The following CREB5 variants were observed in gnomAD, a reference collection of about 807,000 sequenced individuals.
CREB5 encodes the protein cAMP responsive element binding protein 5.
A neutral mutation model predicts 57.1 loss-of-function variants in CREB5; 19 were observed. The ratio of observed to expected loss-of-function variants is 0.33; its 90% CI spans 0.23 to 0.49. The LOEUF is 0.49. Ranked by LOEUF, CREB5 falls within the 20% of genes least tolerant of loss-of-function variation. CREB5 has a pLI of 0.99. For missense variants in CREB5, 579 were observed against 671.6 expected, an observed-to-expected ratio of 0.86 and a Z score of 1.52; for synonymous variants, 238 against 238.3, an observed-to-expected ratio of 1.00 and a Z score of 0.01.
At chr7:28,456,842 C>T (rs1166037575) in intron 1 of CREB5, among the ~76,000 whole-genome samples, 1 of 152,238 alleles carries the variant, frequency 6.6e-6, no homozygotes, top group East Asian at 1.9e-4. Context: ...TGTTTGGCAA[C>T]AGCCAGAACA....
chr7:28,693,490 C>T (rs529405894), intron 5 of CREB5, among the ~76,000 whole-genome samples: 94 of 152,182 alleles, frequency 6.2e-4, no homozygotes, highest in African/African-American at 2.2e-3. Context: ...GGCTCTGCCC[C>T]TCTGCCCTCA....
chr7:28,385,192 G>C (rs1787062526), intron 1 of CREB5, among the ~76,000 whole-genome samples: 1 of 152,256 alleles, frequency 6.6e-6, no homozygotes, highest in East Asian at 1.9e-4. Context: ...CCAGTTGAAA[G>C]ATAAAGAGTA....
intron 5 of CREB5, among the ~76,000 whole-genome samples, chr7:28,716,406 A>G (rs1487362562): frequency 2.0e-5 from 3 of 152,194 alleles, no homozygotes; most frequent in African/African-American, 7.2e-5. Flanking sequence ...AACTGTCTAT[A>G]CTTAAAACAT....
rs1554344356 is a variant in CREB5, at chr7:28,560,875, C to CGTGCGTGCGTGCGT, written c.292-9486_292-9473dup. ...GTGTGTGTGCGTGTGCCTGCGTGCG[C>CGTGCGTGCGTGCGT]GTGCGTGCGTGCGTGTGTGTGCGTG... On this transcript the variant is annotated intron_variant, in intron 4 of 10. Coordinates refer to ENST00000357727, the MANE Select transcript of CREB5 (RefSeq NM_182898.4). Among the ~76,000 whole-genome samples the CGTGCGTGCGTGCGT allele has an allele frequency of 1.4e-3, 26 of 19,218 alleles. 5 individuals are homozygous for CGTGCGTGCGTGCGT. Among genetic ancestry groups the CGTGCGTGCGTGCGT allele is most frequent in the African/African-American group, 4.3e-3 (24 of 5,538 alleles). 12.6% of individuals were successfully genotyped at this position (19,218 alleles called of 152,430 possible). A position where few individuals can be genotyped will look rare whatever the true frequency, so the allele number is the denominator to read the frequency against.
At chr7:28,671,819 A>G (rs1800052081) in intron 5 of CREB5, among the ~76,000 whole-genome samples, 1 of 152,212 alleles carries the variant, frequency 6.6e-6, no homozygotes, top group Non-Finnish European at 1.5e-5. Flanking sequence ...ACTGTAAAAG[A>G]AAGATAAAAA....
chr7:28,656,847 G>C (rs1799350861), intron 5 of CREB5, among the ~76,000 whole-genome samples: 1 of 143,636 alleles, frequency 7.0e-6, no homozygotes, highest in Non-Finnish European at 1.5e-5. Flanking sequence ...TTACATCTAA[G>C]AAGATTTTTT....
At chr7:28,790,970 C>T (rs1475445619) in intron 7 of CREB5, among the ~76,000 whole-genome samples, 1 of 152,146 alleles carries the variant, frequency 6.6e-6, no homozygotes, top group Non-Finnish European at 1.5e-5. Context: ...GAAAACCTTA[C>T]AGAAGTGGGA....
chr7:28,496,370 A>G (rs983848655), intron 3 of CREB5, among the ~76,000 whole-genome samples: 28 of 152,194 alleles, frequency 1.8e-4, no homozygotes, highest in Non-Finnish European at 1.5e-5. Flanking sequence ...TTATTATTAC[A>G]ATATTTTAAA....
At chr7:28,653,384 T>A (rs1799217135) in intron 5 of CREB5, among the ~76,000 whole-genome samples, 1 of 152,166 alleles carries the variant, frequency 6.6e-6, no homozygotes, top group Non-Finnish European at 1.5e-5. Context: ...CCTTTCAGAT[T>A]TCCAGCATGA....
chr7:28,731,766 G>A (rs546091819), intron 7 of CREB5, among the ~76,000 whole-genome samples: 5 of 152,192 alleles, frequency 3.3e-5, no homozygotes, highest in Non-Finnish European at 7.3e-5. Flanking sequence ...GTACACAGGG[G>A]TGAAAGAGGC....
chr7:28,703,717 T>C (rs1801974099), intron 5 of CREB5, among the ~76,000 whole-genome samples: 1 of 152,176 alleles, frequency 6.6e-6, no homozygotes, highest in East Asian at 1.9e-4. Context: ...ACCTTTTTCT[T>C]CTATTCAGGT....
intron 5 of CREB5, among the ~76,000 whole-genome samples, chr7:28,592,857 G>A (rs759330564): frequency 8.5e-5 from 13 of 152,152 alleles, no homozygotes; most frequent in African/African-American, 1.2e-4. Flanking sequence ...CTGTGTCTCC[G>A]TTTTCTTATT....
chr7:28,550,925 C>T lies in CREB5; in HGVS notation c.292-19440C>T, dbSNP rs532843125. 7.2e-5 allele frequency among the ~76,000 whole-genome samples: 11 copies of T among 152,254 alleles called. No homozygotes were observed. In the South Asian group the frequency reaches 1.4e-3, roughly 20 times the overall value. On this transcript the variant is annotated intron_variant, in intron 4 of 10. Transcript: ENST00000357727. Reference sequence around the variant, plus strand: ...TCAGCTTCAAGTCAGATAAAAACAACGCCGGCTGAAGGCTTCAGTTGATGC... The same window carrying T: ...TCAGCTTCAAGTCAGATAAAAACAATGCCGGCTGAAGGCTTCAGTTGATGC...
chr7:28,633,828 A>T (rs1327910712), intron 5 of CREB5, among the ~76,000 whole-genome samples: 2 of 152,204 alleles, frequency 1.3e-5, no homozygotes, highest in African/African-American at 4.8e-5. Context: ...ATACATCTTC[A>T]AACCTAAAGG....
intron 4 of CREB5, among the ~76,000 whole-genome samples, chr7:28,557,483 G>T (rs1054603241): frequency 2.4e-4 from 36 of 151,992 alleles, no homozygotes; most frequent in African/African-American, 6.0e-4. Flanking sequence ...CTGTGTGTGT[G>T]TTTTTTTTAA....
At chr7:28,702,929 G>A (rs895964626) in intron 5 of CREB5, among the ~76,000 whole-genome samples, 1 of 152,172 alleles carries the variant, frequency 6.6e-6, no homozygotes, top group African/African-American at 2.4e-5. Context: ...CAAGGCCCTG[G>A]GGTGGGAAAG....
intron 1 of CREB5, among the ~76,000 whole-genome samples, chr7:28,321,416 C>T (rs1052301620): frequency 5.9e-5 from 9 of 152,152 alleles, no homozygotes; most frequent in Non-Finnish European, 1.3e-4. Context: ...AAAAACATTT[C>T]TTTTTCTTCT....
At chr7:28,612,806 T>C (rs896936155) in intron 5 of CREB5, among the ~76,000 whole-genome samples, 2 of 152,152 alleles carry the variant, frequency 1.3e-5, no homozygotes, top group Admixed American at 6.5e-5. Context: ...TAATGTTGAA[T>C]TGTTATTAGT....
At chr7:28,641,600 AAAAAC>A (rs1299568635) in intron 5 of CREB5, among the ~76,000 whole-genome samples, 1 of 148,786 alleles carries the variant, frequency 6.7e-6, no homozygotes, top group Non-Finnish European at 1.5e-5. Context: ...GCTTCAGGGA[AAAAAC>A]AAAACTAAAC....
Sources: gnomAD v4.1 joint callset for allele counts (sites outside exome capture counted in the v4.1 genomes callset) on GRCh38, gnomAD v4.1.1 for gene constraint, MANE v1.5 for transcripts, NCBI Gene and HGNC (gene_info 2026-07-23, HGNC 2026-07-21) for gene names.